PPP2R5E: variants seen among roughly 807,000 people sequenced by gnomAD.
PPP2R5E encodes serine/threonine-protein phosphatase 2A 56 kDa regulatory subunit epsilon isoform.
A neutral mutation model predicts 65.3 loss-of-function variants in PPP2R5E; 4 were observed. The ratio of observed to expected loss-of-function variants is 0.06; its 90% CI spans 0.03 to 0.14. PPP2R5E has a LOEUF of 0.14. Among genes scored for constraint, PPP2R5E ranks in the 10% least tolerant of loss-of-function variants. The probability of loss-of-function intolerance (pLI) is 1.00; values close to 1 mark genes in which losing one functional copy is unlikely to be tolerated. For synonymous variants in PPP2R5E, 183 were observed against 187.4 expected (o/e 0.98, Z 0.19); for missense variants, 274 against 556.1 (o/e 0.49, Z 5.10).
intron 2 of PPP2R5E, among the ~76,000 whole-genome samples, chr14:63,505,682 G>A (rs1286658965): frequency 6.6e-6 from 1 of 152,120 alleles, no homozygotes; most frequent in East Asian, 1.9e-4. Flanking sequence ...CAACAATCTG[G>A]ACCAGCTGCA....
intron 2 of PPP2R5E, among the ~76,000 whole-genome samples, chr14:63,492,119 G>A (rs371502474): frequency 3.9e-5 from 6 of 151,994 alleles, no homozygotes; most frequent in African/African-American, 1.2e-4. Flanking sequence ...TCAATAACCC[G>A]ACCTACAGCT....
At chr14:63,384,664 G>T in intron 11 of PPP2R5E, 93 bp from the exon 12 acceptor site, 2 of 1,083,010 alleles carry the variant, frequency 1.8e-6, no homozygotes, top group Non-Finnish European at 2.6e-6. Flanking sequence ...ATTTCAAAAG[G>T]CTATTTGTAA....
At chr14:63,432,363 T>C (rs954414884) in intron 3 of PPP2R5E, among the ~76,000 whole-genome samples, 1 of 152,198 alleles carries the variant, frequency 6.6e-6, no homozygotes, top group African/African-American at 2.4e-5. Flanking sequence ...ATACGGTGAT[T>C]GCTTCTACAA....
chr14:63,433,784 A>C (rs1306777848), intron 3 of PPP2R5E, among the ~76,000 whole-genome samples: 2 of 152,174 alleles, frequency 1.3e-5, no homozygotes, highest in East Asian at 3.8e-4. Context: ...CAGACTTTCC[A>C]GCGAATCTCC....
At chr14:63,523,319 T>C (rs1893042971) in intron 2 of PPP2R5E, among the ~76,000 whole-genome samples, 1 of 151,832 alleles carries the variant, frequency 6.6e-6, no homozygotes, top group South Asian at 2.1e-4. Context: ...CGTGTTTGTG[T>C]AGTAGGAGGT....
chr14:63,509,275 T>C (rs1281715426), intron 2 of PPP2R5E, among the ~76,000 whole-genome samples: 2 of 141,674 alleles, frequency 1.4e-5, no homozygotes, highest in Admixed American at 1.4e-4. Flanking sequence ...TCCTTTTTTT[T>C]TTTTTTTTTT....
rs747728059 is a variant in PPP2R5E, at chr14:63,539,693, C to A, written c.-7-1G>T. The A allele has an allele frequency of 6.2e-7, 1 of 1,611,908 alleles. No homozygotes were observed. The highest frequency in any genetic ancestry group is 8.5e-7 in the Non-Finnish European group (1 of 1,178,544). On this transcript the variant is annotated splice_acceptor_variant, in intron 1 of 13. Coordinates refer to ENST00000337537, the MANE Select transcript of PPP2R5E (RefSeq NM_006246.5). LOFTEE classifies it low-confidence loss of function (5UTR_SPLICE). ...AGTTGGTGCTGAGGACATATCCCTACTGAAGAGAAAGAAGTATCATAAACC... is the reference window on the plus strand; with the variant it reads ...AGTTGGTGCTGAGGACATATCCCTAATGAAGAGAAAGAAGTATCATAAACC...
At chr14:63,453,466 A>G (rs1262269180) in intron 3 of PPP2R5E, 1 of 339,778 alleles carries the variant, frequency 2.9e-6, no homozygotes, top group Non-Finnish European at 5.3e-6. Context: ...TTTTGAAGTC[A>G]TTTATTGCTT....
Position 63,467,222 on chromosome 14 carries a change from C to CAAA in PPP2R5E, c.158-13340_158-13338dup, listed in dbSNP as rs767892639. 5.7e-3 allele frequency among the ~76,000 whole-genome samples: 646 copies of CAAA among 114,224 alleles called. 101 individuals are homozygous for CAAA. Among genetic ancestry groups the CAAA allele is most frequent in the African/African-American group, 0.025 (555 of 22,346 alleles). 74.9% of individuals were successfully genotyped at this position (114,224 alleles called of 152,430 possible). A position where few individuals can be genotyped will look rare whatever the true frequency, so the allele number is the denominator to read the frequency against. On this transcript the variant is annotated intron_variant, in intron 2 of 13. Coordinates refer to ENST00000337537, the MANE Select transcript of PPP2R5E (RefSeq NM_006246.5). Reference sequence around the variant, plus strand: ...TGGGTGACAGAGCAAGACTCCGTCTCAAAAAAAACAAACAAACAAACAAAA... The same window carrying CAAA: ...TGGGTGACAGAGCAAGACTCCGTCTCAAAAAAAAAAACAAACAAACAAACAAAA...
intron 2 of PPP2R5E, among the ~76,000 whole-genome samples, chr14:63,454,853 C>T (rs954692053): frequency 2.6e-5 from 4 of 152,166 alleles, no homozygotes; most frequent in African/African-American, 4.8e-5. Flanking sequence ...AGGTGATTAG[C>T]TCATTAATCC....
At chr14:63,503,699 T>C (rs1230221608) in intron 2 of PPP2R5E, among the ~76,000 whole-genome samples, 2 of 152,248 alleles carry the variant, frequency 1.3e-5, no homozygotes, top group Admixed American at 6.5e-5. Flanking sequence ...CTATATAGTT[T>C]AATGAATTTC....
chr14:63,386,104 G>A (rs1884649700), intron 11 of PPP2R5E, among the ~76,000 whole-genome samples: 1 of 152,186 alleles, frequency 6.6e-6, no homozygotes, highest in South Asian at 2.1e-4. Flanking sequence ...TGTTTTAGAA[G>A]AGAACAAAAT....
At chr14:63,456,048 T>C (rs1245324597) in intron 2 of PPP2R5E, among the ~76,000 whole-genome samples, 1 of 152,212 alleles carries the variant, frequency 6.6e-6, no homozygotes, top group Non-Finnish European at 1.5e-5. Flanking sequence ...ATTACAGGCA[T>C]GAGCCACCGC....
intron 3 of PPP2R5E, among the ~76,000 whole-genome samples, chr14:63,436,757 C>A (rs1887970331): frequency 6.6e-6 from 1 of 152,212 alleles, no homozygotes; most frequent in African/African-American, 2.4e-5. Context: ...AGAGAAGGAT[C>A]TAGGGGCAGG....
chr14:63,493,383 C>T (rs933189172), intron 2 of PPP2R5E, among the ~76,000 whole-genome samples: 1 of 151,956 alleles, frequency 6.6e-6, no homozygotes, highest in Non-Finnish European at 1.5e-5. Context: ...GGCCTGTCTG[C>T]CACTAGATGC....
At chr14:63,386,345 C>A (rs1056526064) in intron 11 of PPP2R5E, among the ~76,000 whole-genome samples, 2 of 152,188 alleles carry the variant, frequency 1.3e-5, no homozygotes, top group African/African-American at 4.8e-5. Flanking sequence ...GGTACCATTA[C>A]TTTTCTATTT....
chr14:63,463,167 G>A (rs12898004), intron 2 of PPP2R5E, among the ~76,000 whole-genome samples: 1 of 149,470 alleles, frequency 6.7e-6, no homozygotes, highest in African/African-American at 2.5e-5. Context: ...TTTAGGCAGA[G>A]TCTCGCCCTG....
Sources: allele counts gnomAD v4.1 joint callset (sites outside exome capture counted in the v4.1 genomes callset), GRCh38; gene constraint gnomAD v4.1.1; transcripts MANE v1.5; gene names NCBI Gene and HGNC (gene_info 2026-07-23, HGNC 2026-07-21).